The following CSMD1 variants were observed in gnomAD, a reference collection of about 807,000 sequenced individuals.
The protein encoded by CSMD1 is CUB and sushi domain-containing protein 1.
Under a neutral mutation model 417.5 loss-of-function variants are expected in CSMD1, and 213 were observed. The ratio of observed to expected loss-of-function variants is 0.51; its 90% CI spans 0.46 to 0.57. The LOEUF is 0.57. Among genes scored for constraint, CSMD1 ranks in the 20% least tolerant of loss-of-function variants. The pLI is 0.00. For synonymous variants in CSMD1, 2,862 were observed against 1,736.8 expected, an observed-to-expected ratio of 1.65 and a Z score of -16.11; for missense variants, 6,923 against 4,529.7, an observed-to-expected ratio of 1.53 and a Z score of -15.17.
intron 1 of CSMD1, among the ~76,000 whole-genome samples, chr8:4,779,542 G>T (rs995450603): frequency 6.6e-6 from 1 of 152,108 alleles, no homozygotes; most frequent in Non-Finnish European, 1.5e-5. Context: ...TTAACCAAGG[G>T]TTATAAATGT....
intron 3 of CSMD1, among the ~76,000 whole-genome samples, chr8:4,183,639 A>G (rs957170746): frequency 4.6e-5 from 7 of 152,230 alleles, no homozygotes; most frequent in African/African-American, 1.4e-4. Flanking sequence ...GATAAGCACA[A>G]TTTTAAGTTT....
At chr8:2,985,118 A>G (rs538548818) in intron 54 of CSMD1, among the ~76,000 whole-genome samples, 3 of 152,332 alleles carry the variant, frequency 2.0e-5, no homozygotes, top group South Asian at 2.1e-4. Flanking sequence ...GTCCCAATAT[A>G]AACTGTGACA....
chr8:4,767,473 C>T (rs1812541940), intron 1 of CSMD1, among the ~76,000 whole-genome samples: 1 of 152,152 alleles, frequency 6.6e-6, no homozygotes, highest in Non-Finnish European at 1.5e-5. Flanking sequence ...GCTCTGCCTC[C>T]CTCACCGCTG....
intron 2 of CSMD1, among the ~76,000 whole-genome samples, chr8:4,492,295 G>C (rs1242477198): frequency 1.3e-5 from 2 of 152,062 alleles, no homozygotes; most frequent in Non-Finnish European, 2.9e-5. Context: ...TTCTTATGTT[G>C]CCCAGGATGG....
intron 26 of CSMD1, among the ~76,000 whole-genome samples, chr8:3,233,273 G>T (rs1311638262): frequency 2.0e-5 from 3 of 152,086 alleles, no homozygotes; most frequent in African/African-American, 4.8e-5. Flanking sequence ...GGATTTATGG[G>T]CTATCACAGG....
At chr8:3,474,671 T>C (rs919432453) in intron 11 of CSMD1, among the ~76,000 whole-genome samples, 17 of 152,184 alleles carry the variant, frequency 1.1e-4, no homozygotes, top group African/African-American at 3.9e-4. Context: ...GGAAATTGGT[T>C]TTGGTATACA....
At chr8:4,585,920 A>G (rs757679989) in intron 2 of CSMD1, among the ~76,000 whole-genome samples, 2 of 152,250 alleles carry the variant, frequency 1.3e-5, no homozygotes, top group African/African-American at 2.4e-5. Flanking sequence ...GGAAAATTAT[A>G]TGTAACAATA....
At chr8:4,945,383 T>C (rs1169882310) in intron 1 of CSMD1, among the ~76,000 whole-genome samples, 1 of 151,812 alleles carries the variant, frequency 6.6e-6, no homozygotes, top group East Asian at 1.9e-4. Context: ...TGCCGAAAAA[T>C]AGTTCAGATA....
chr8:4,452,545 C>T (rs1436814221), intron 2 of CSMD1, among the ~76,000 whole-genome samples: 1 of 152,144 alleles, frequency 6.6e-6, no homozygotes, highest in Non-Finnish European at 1.5e-5. Flanking sequence ...AAAAATAATT[C>T]ACTTTTTCCA....
intron 1 of CSMD1, among the ~76,000 whole-genome samples, chr8:4,727,943 AAT>A (rs1330643992): frequency 6.4e-4 from 78 of 122,590 alleles, no homozygotes; most frequent in South Asian, 5.3e-4. Context: ...ATATATACAA[AAT>A]ATATATATGT....
At chr8:3,860,095 A>C (rs1804594346) in intron 5 of CSMD1, among the ~76,000 whole-genome samples, 1 of 152,088 alleles carries the variant, frequency 6.6e-6, no homozygotes. Flanking sequence ...GTCACACTTT[A>C]AAAAGTTTGC....
At chr8:3,674,381 G>C (rs193142904) in intron 7 of CSMD1, among the ~76,000 whole-genome samples, 1 of 152,082 alleles carries the variant, frequency 6.6e-6, no homozygotes, top group African/African-American at 2.4e-5. Context: ...CTAAGTAGAA[G>C]CCATAATTTC....
At chr8:3,398,286 T>A (rs1326722302) in intron 16 of CSMD1, among the ~76,000 whole-genome samples, 1 of 152,128 alleles carries the variant, frequency 6.6e-6, no homozygotes, top group Non-Finnish European at 1.5e-5. Flanking sequence ...ACTTACAGAG[T>A]TAGTATTTTT....
At chr8:4,841,712 A>G (rs1049235468) in intron 1 of CSMD1, among the ~76,000 whole-genome samples, 2 of 151,866 alleles carry the variant, frequency 1.3e-5, no homozygotes, top group African/African-American at 4.8e-5. Context: ...GGAGTTGGAG[A>G]CAAGCCTGAC....
chr8:3,036,933 A>G (rs547028370), intron 50 of CSMD1, among the ~76,000 whole-genome samples: 1 of 152,278 alleles, frequency 6.6e-6, no homozygotes, highest in Admixed American at 6.5e-5. Flanking sequence ...AGCAGTGTGC[A>G]CTGTATCCAA....
At chr8:3,051,695 T>C (rs73657551) in intron 50 of CSMD1, among the ~76,000 whole-genome samples, 2,340 of 152,308 alleles carry the variant, frequency 0.015, 55 homozygotes, top group African/African-American at 0.051. Context: ...AAAAATTCAT[T>C]GTCTATACAG....
intron 30 of CSMD1, among the ~76,000 whole-genome samples, chr8:3,212,603 C>G (rs1027212367): frequency 3.9e-5 from 6 of 152,148 alleles, no homozygotes; most frequent in African/African-American, 1.4e-4. Context: ...ATCCACTAGC[C>G]TTGGCCTCCC....
intron 5 of CSMD1, among the ~76,000 whole-genome samples, chr8:3,775,309 G>T (rs1474859834): frequency 1.3e-5 from 2 of 152,194 alleles, no homozygotes; most frequent in African/African-American, 4.8e-5. Context: ...ATGAATCCAG[G>T]AGTGAAGTTA....
At chr8:3,288,539 T>G (rs1381893520) in intron 25 of CSMD1, among the ~76,000 whole-genome samples, 1 of 147,440 alleles carries the variant, frequency 6.8e-6, no homozygotes, top group African/African-American at 2.7e-5. Flanking sequence ...AGGATGTATG[T>G]GTCGAAGAAT....
Sources: gnomAD v4.1 joint callset for allele counts (sites outside exome capture counted in the v4.1 genomes callset) on GRCh38, gnomAD v4.1.1 for gene constraint, MANE v1.5 for transcripts, NCBI Gene and HGNC (gene_info 2026-07-23, HGNC 2026-07-21) for gene names.